The following CEP152 variants were observed in gnomAD, a reference collection of about 807,000 sequenced individuals.
The protein encoded by CEP152 is centrosomal protein 152, also known as centrosomal protein of 152 kDa.
In CEP152, 132 loss-of-function variants were observed where a neutral mutation model predicts 188.9. The ratio of observed to expected loss-of-function variants is 0.70; its 90% CI spans 0.61 to 0.81. The LOEUF (loss-of-function observed/expected upper bound fraction) is 0.81. CEP152 is among the 30% of genes least tolerant of loss of function. CEP152 has a pLI of 0.00. For synonymous variants in CEP152, 649 were observed against 666.6 expected (o/e 0.97, Z 0.41); for missense variants, 1,914 against 1,969.8 (o/e 0.97, Z 0.54).
chr15:48,775,583 C>T (rs1895838271), intron 12 of CEP152, among the ~76,000 whole-genome samples: 1 of 152,060 alleles, frequency 6.6e-6, no homozygotes, highest in Non-Finnish European at 1.5e-5. Flanking sequence ...TAAAAGGAAA[C>T]AGACTCTGTC....
At chr15:48,729,597 T>G (rs1365269514) in intron 2 of CEP152, 3 of 152,174 alleles carry the variant, frequency 2.0e-5, no homozygotes, top group Non-Finnish European at 4.4e-5. Context: ...CAATATTCAA[T>G]GTCCTAAATA....
intron 23 of CEP152, 132 bp from the exon 24 acceptor site, chr15:48,744,475 C>T: frequency 6.9e-7 from 1 of 1,453,864 alleles, no homozygotes; most frequent in Non-Finnish European, 9.3e-7. Context: ...GAACAATCTC[C>T]ACTATACAGT....
Position 48,756,070 on chromosome 15 carries a change from C to T in CEP152, c.3178G>A (p.Glu1060Lys), listed in dbSNP as rs773650149. 5 of 1,614,070 alleles carry T rather than the reference C, an allele frequency of 3.1e-6. No homozygotes were observed. The highest frequency in any genetic ancestry group is 3.3e-5 in the Admixed American group (2 of 60,014). Residue 1060 changes from glutamate (E) to lysine (K), a missense_variant, in exon 20 of 27, where the codon GAG becomes AAG. Physicochemically the swap from Glu to Lys is moderately conservative, Grantham distance 56 (BLOSUM62 1). Transcript: ENST00000380950. ...TTGTCCTCAGAATCACTGATGTGCT[C>T]CTTTTGGGTATCACTTAAAAGAACC... ...LGVLLSDTQK[E>K]HISDSEDKQL...
downstream of CEP152, among the ~76,000 whole-genome samples, chr15:48,733,138 A>C (rs1386334761): frequency 1.3e-5 from 2 of 151,822 alleles, no homozygotes; most frequent in Admixed American, 1.3e-4. Flanking sequence ...TTAACCAACC[A>C]CTCTAGTATA....
chr15:48,733,036 A>G (rs1197812534), downstream of CEP152, among the ~76,000 whole-genome samples: 1 of 152,120 alleles, frequency 6.6e-6, no homozygotes, highest in African/African-American at 2.4e-5. Flanking sequence ...GGCTGCCATG[A>G]CTGCACCACT....
chr15:48,763,384 C>T (rs1480299616), intron 17 of CEP152, among the ~76,000 whole-genome samples: 1 of 152,134 alleles, frequency 6.6e-6, no homozygotes, highest in Non-Finnish European at 1.5e-5. Context: ...ATAAAAGAAT[C>T]TAGTTGAGGC....
At chr15:48,804,220 A>C (rs1305020610) in intron 2 of CEP152, among the ~76,000 whole-genome samples, 1 of 152,260 alleles carries the variant, frequency 6.6e-6, no homozygotes, top group East Asian at 1.9e-4. Context: ...TGTTTTTTAG[A>C]TAAGCCAGAG....
At chr15:48,769,319 T>C (rs1449663071) in intron 13 of CEP152, among the ~76,000 whole-genome samples, 1 of 152,224 alleles carries the variant, frequency 6.6e-6, no homozygotes, top group Admixed American at 6.5e-5. Context: ...CCCAAATGTC[T>C]GTTTTCTGGT....
chr15:48,741,390 A>C, intron 26 of CEP152: 2 of 1,397,808 alleles, frequency 1.4e-6, no homozygotes, highest in Non-Finnish European at 1.9e-6. Flanking sequence ...GGATGGAAGC[A>C]GCAATAGGAA....
intron 7 of CEP152, 97 bp from the exon 8 acceptor site, chr15:48,791,473 G>A (rs1221929510): frequency 2.8e-6 from 3 of 1,069,276 alleles, no homozygotes; most frequent in Non-Finnish European, 4.1e-6. Context: ...ATATATAAAT[G>A]TTGTTGAATT....
At chr15:48,754,720 T>C (rs1215048819) in intron 20 of CEP152, among the ~76,000 whole-genome samples, 1 of 152,182 alleles carries the variant, frequency 6.6e-6, no homozygotes, top group Non-Finnish European at 1.5e-5. Context: ...CTGTTTCAAA[T>C]GCAGGACCCA....
intron 10 of CEP152, 38 bp from the exon 11 acceptor site, chr15:48,782,268 T>C (rs760929932): frequency 6.4e-7 from 1 of 1,570,564 alleles, no homozygotes. Context: ...CTGAAAAAAT[T>C]AAGGGGACAA....
Position 48,744,358 on chromosome 15 carries a change from A to G in CEP152, c.3732-15T>C. On this transcript the variant is annotated splice_polypyrimidine_tract_variant and intron_variant, in intron 23 of 26. Coordinates refer to ENST00000380950, the MANE Select transcript of CEP152 (RefSeq NM_001194998.2). ...CTGACAATGACCTAAAAAACAAACCAAAGATTACAAAAACAGAAATGGTAA... is the reference window on the plus strand; with the variant it reads ...CTGACAATGACCTAAAAAACAAACCGAAGATTACAAAAACAGAAATGGTAA... 6.2e-7 allele frequency: 1 copy of G among 1,614,006 alleles called. No individual in the cohort carries two copies. Among genetic ancestry groups the G allele is most frequent in the East Asian group, 2.2e-5 (1 of 44,854 alleles).
In CEP152 at chr15:48,755,145, C is replaced by A. The variant is rs116453488; in HGVS notation, c.3345+758G>T. On this transcript the variant is annotated intron_variant, in intron 20 of 26. Transcript: ENST00000380950. ...ATAAGGTAGCAAGAATTTGGTTTTA[C>A]TGAAACTTTCATACAAATTAAAAGC... Among the ~76,000 whole-genome samples, 1,499 of 152,094 alleles carry A rather than the reference C, an allele frequency of 9.9e-3. 31 individuals are homozygous for A. The highest frequency in any genetic ancestry group is 0.035 in the African/African-American group (1,436 of 41,486).
chr15:48,786,412 TGTGA>T (rs1896637985), intron 9 of CEP152, among the ~76,000 whole-genome samples: 1 of 152,176 alleles, frequency 6.6e-6, no homozygotes, highest in Admixed American at 6.5e-5. Context: ...TATAATATGT[TGTGA>T]GTGCATACAA....
At chr15:48,751,472 G>A (rs1230617027) in intron 21 of CEP152, among the ~76,000 whole-genome samples, 1 of 152,186 alleles carries the variant, frequency 6.6e-6, no homozygotes, top group African/African-American at 2.4e-5. Context: ...TGTGAACAAT[G>A]AGAAAGGCAG....
intron 2 of CEP152, among the ~76,000 whole-genome samples, chr15:48,800,432 G>A (rs1897600429): frequency 6.6e-6 from 1 of 151,998 alleles, no homozygotes; most frequent in Non-Finnish European, 1.5e-5. Flanking sequence ...CCATTTCCCA[G>A]GATCAAAGTG....
At chr15:48,782,056 G>C (rs758072462) in intron 11 of CEP152, 83 bp downstream of exon 11, 2 of 1,298,374 alleles carry the variant, frequency 1.5e-6, no homozygotes, top group South Asian at 1.2e-5. Flanking sequence ...CTATTATACA[G>C]AGAAACCCAA....
At chr15:48,751,490 A>G (rs1340359599) in intron 21 of CEP152, among the ~76,000 whole-genome samples, 1 of 152,216 alleles carries the variant, frequency 6.6e-6, no homozygotes, top group African/African-American at 2.4e-5. Flanking sequence ...CAGAGATGGT[A>G]TAGGCAGAGA....
Sources: gnomAD v4.1 joint callset for allele counts (sites outside exome capture counted in the v4.1 genomes callset) on GRCh38, gnomAD v4.1.1 for gene constraint, MANE v1.5 for transcripts, NCBI Gene and HGNC (gene_info 2026-07-23, HGNC 2026-07-21) for gene names.